Variants in SLC17A5 observed in about 807,000 individuals in gnomAD.
SLC17A5 encodes sialin.
A neutral mutation model predicts 59.4 loss-of-function variants in SLC17A5; 47 were observed. That is an observed-to-expected ratio of 0.79 (90% CI 0.63 to 1.01). The LOEUF (loss-of-function observed/expected upper bound fraction) is 1.01, where lower values mean the gene tolerates loss of function less well. Ranked by LOEUF, SLC17A5 falls within the 50% of genes least tolerant of loss-of-function variation. The probability of loss-of-function intolerance (pLI) is 0.00; values close to 1 mark genes in which losing one functional copy is unlikely to be tolerated. For synonymous variants in SLC17A5, 202 were observed against 210.7 expected, an observed-to-expected ratio of 0.96 and a Z score of 0.36; for missense variants, 522 against 595.5, an observed-to-expected ratio of 0.88 and a Z score of 1.28.
chr6:73,620,254 TCA>T (rs780308589), intron 7 of SLC17A5, among the ~76,000 whole-genome samples: 2 of 152,168 alleles, frequency 1.3e-5, no homozygotes, highest in Non-Finnish European at 2.9e-5. Flanking sequence ...CCTGTGGATC[TCA>T]GTTTTACCCC....
chr6:73,604,851 T>C (rs997109495), intron 9 of SLC17A5, among the ~76,000 whole-genome samples: 7 of 152,202 alleles, frequency 4.6e-5, no homozygotes, highest in Non-Finnish European at 1.0e-4. Flanking sequence ...AATAGGAATA[T>C]TATTTATTGG....
At chr6:73,633,088 C>CCTCCTGAGG (rs1399021346) in intron 6 of SLC17A5, among the ~76,000 whole-genome samples, 5 of 152,232 alleles carry the variant, frequency 3.3e-5, no homozygotes, top group South Asian at 4.1e-4. Flanking sequence ...TGGACTTAAG[C>CCTCCTGAGG]AGTCCCCTTG....
At chr6:73,621,741 G>C (rs1229351951) in intron 7 of SLC17A5, 63 bp downstream of exon 7, 2 of 1,335,144 alleles carry the variant, frequency 1.5e-6, no homozygotes, top group East Asian at 2.4e-5. Flanking sequence ...ATACAGATGA[G>C]AACAAATTCT....
chr6:73,625,212 A>G (rs938421883), intron 6 of SLC17A5, among the ~76,000 whole-genome samples: 1 of 152,064 alleles, frequency 6.6e-6, no homozygotes, highest in Non-Finnish European at 1.5e-5. Flanking sequence ...TATGAGATGG[A>G]GTCTTGCTCT....
chr6:73,601,884 C>T (rs1212960546), intron 9 of SLC17A5, among the ~76,000 whole-genome samples: 40 of 151,734 alleles, frequency 2.6e-4, no homozygotes, highest in African/African-American at 8.7e-4. Flanking sequence ...CCCGGCCGCC[C>T]CTACTGGGAA....
At chr6:73,629,981 G>C (rs1192597767) in intron 6 of SLC17A5, among the ~76,000 whole-genome samples, 1 of 148,666 alleles carries the variant, frequency 6.7e-6, no homozygotes, top group African/African-American at 2.6e-5. Flanking sequence ...GTGCAATGAA[G>C]ATTTTTATTT....
chr6:73,632,291 CAAAA>C (rs71000140), intron 6 of SLC17A5, among the ~76,000 whole-genome samples: 7 of 63,750 alleles, frequency 1.1e-4, no homozygotes, highest in Admixed American at 3.6e-4. Flanking sequence ...GAGCTAGACT[CAAAA>C]AAAAAAAAAA....
chr6:73,630,524 C>T (rs16883973), intron 6 of SLC17A5, among the ~76,000 whole-genome samples: 16,276 of 152,154 alleles, frequency 0.11, 1,054 homozygotes, highest in Middle Eastern at 0.18. Context: ...GATTCTGTCA[C>T]TTCGAGCTTA....
chr6:73,609,233 C>T (rs760337492), intron 9 of SLC17A5, among the ~76,000 whole-genome samples: 30 of 152,272 alleles, frequency 2.0e-4, no homozygotes, highest in Admixed American at 4.6e-4. Context: ...ACCTTGTCAG[C>T]TGGCACAAAA....
At chr6:73,632,766 A>C (rs1768809068) in intron 6 of SLC17A5, among the ~76,000 whole-genome samples, 1 of 151,744 alleles carries the variant, frequency 6.6e-6, no homozygotes, top group South Asian at 2.1e-4. Flanking sequence ...TAAAAAATTT[A>C]AACAAACTCA....
intron 10 of SLC17A5, among the ~76,000 whole-genome samples, chr6:73,596,196 C>A (rs1340668264): frequency 6.6e-6 from 1 of 152,096 alleles, no homozygotes; most frequent in Non-Finnish European, 1.5e-5. Flanking sequence ...ACTGGCATGT[C>A]CCTGAATCAT....
chr6:73,599,622 T>C (rs1766966316), intron 10 of SLC17A5, among the ~76,000 whole-genome samples: 1 of 152,212 alleles, frequency 6.6e-6, no homozygotes, highest in South Asian at 2.1e-4. Context: ...CACAGAACTT[T>C]AGAAAAAGCA....
At chr6:73,635,817 T>C (rs1768966407) in intron 5 of SLC17A5, among the ~76,000 whole-genome samples, 1 of 151,796 alleles carries the variant, frequency 6.6e-6, no homozygotes, top group Non-Finnish European at 1.5e-5. Flanking sequence ...CTCGGCTCAC[T>C]GCAACCTCCG....
chr6:73,633,885 AAAAAT>A (rs1168482278), intron 6 of SLC17A5, among the ~76,000 whole-genome samples: 45 of 151,884 alleles, frequency 3.0e-4, no homozygotes, highest in African/African-American at 1.1e-3. Flanking sequence ...GTCTAAAAAA[AAAAAT>A]AAATAAAATA....
At chr6:73,634,993 TA>T (rs558203779) in intron 6 of SLC17A5, among the ~76,000 whole-genome samples, 4 of 151,952 alleles carry the variant, frequency 2.6e-5, no homozygotes, top group Non-Finnish European at 5.9e-5. Flanking sequence ...TAAAATGACT[TA>T]AAAATATTTT....
intron 1 of SLC17A5, chr6:73,645,551 C>G: frequency 1.1e-6 from 1 of 918,834 alleles, no homozygotes; most frequent in Non-Finnish European, 1.3e-6. Flanking sequence ...CTTTGGGAAG[C>G]CGAGGCGGGC....
chr6:73,620,606 C>G (rs1041369254), intron 7 of SLC17A5, among the ~76,000 whole-genome samples: 8 of 152,156 alleles, frequency 5.3e-5, no homozygotes, highest in Admixed American at 2.0e-4. Context: ...GTCCACATAG[C>G]CAGGCCAATG....
intron 5 of SLC17A5, among the ~76,000 whole-genome samples, chr6:73,635,934 T>A (rs1400173798): frequency 2.6e-5 from 4 of 151,940 alleles, no homozygotes; most frequent in Non-Finnish European, 5.9e-5. Context: ...AGAGATGGGG[T>A]TCCACCATGT....
At chr6:73,606,731 A>T (rs1767407947) in intron 9 of SLC17A5, among the ~76,000 whole-genome samples, 1 of 152,226 alleles carries the variant, frequency 6.6e-6, no homozygotes, top group South Asian at 2.1e-4. Flanking sequence ...TGTGTCTTCA[A>T]CATCTGGTAC....
Sources: allele counts gnomAD v4.1 joint callset (sites outside exome capture counted in the v4.1 genomes callset), GRCh38; gene constraint gnomAD v4.1.1; transcripts MANE v1.5; gene names NCBI Gene and HGNC (gene_info 2026-07-23, HGNC 2026-07-21).